Variants in SEMA4D observed in about 807,000 individuals in gnomAD.
SEMA4D encodes the protein semaphorin-4D.
In SEMA4D, 22 loss-of-function variants were observed where a neutral mutation model predicts 74.8. That is an observed-to-expected ratio of 0.29 (90% CI 0.21 to 0.42). The LOEUF (loss-of-function observed/expected upper bound fraction) is 0.42, where lower values mean the gene tolerates loss of function less well. Among genes scored for constraint, SEMA4D ranks in the 10% least tolerant of loss-of-function variants. The pLI is 1.00. For missense variants in SEMA4D, 937 were observed against 1,118.4 expected (o/e 0.84, Z 2.31); for synonymous variants, 445 against 463.7 (o/e 0.96, Z 0.52).
chr9:89,444,455 G>A (rs1016940165), intron 2 of SEMA4D, among the ~76,000 whole-genome samples: 3 of 152,200 alleles, frequency 2.0e-5, no homozygotes, highest in Non-Finnish European at 4.4e-5. Context: ...ATGTGGGCAC[G>A]TGAAGAGACA....
downstream of SEMA4D, chr9:89,376,330 C>CACT (rs1219519283): frequency 6.6e-6 from 1 of 150,862 alleles, no homozygotes; most frequent in Non-Finnish European, 1.5e-5. Context: ...TGTGTCACTG[C>CACT]ACTCCAGCCT....
chr9:89,449,096 G>A (rs940904621), intron 2 of SEMA4D, among the ~76,000 whole-genome samples: 5 of 152,194 alleles, frequency 3.3e-5, no homozygotes, highest in Non-Finnish European at 5.9e-5. Context: ...CGGATAGCAC[G>A]GGGCCTTTTG....
intron 9 of SEMA4D, 42 bp downstream of exon 9, chr9:89,391,222 C>A: frequency 6.3e-7 from 1 of 1,599,570 alleles, no homozygotes; most frequent in South Asian, 1.1e-5. Flanking sequence ...CACACTATTG[C>A]CATGGCAGGG....
intron 2 of SEMA4D, among the ~76,000 whole-genome samples, chr9:89,434,018 C>A (rs72748994): frequency 6.6e-6 from 1 of 152,184 alleles, no homozygotes; most frequent in Non-Finnish European, 1.5e-5. Context: ...TTGGCATGCA[C>A]GGACTGCCCC....
In SEMA4D at chr9:89,392,497, C is replaced by A; in HGVS notation, c.548G>T (p.Gly183Val). The A allele has an allele frequency of 6.2e-7, 1 of 1,613,874 alleles. No individual in the cohort carries two copies. Among genetic ancestry groups the A allele is most frequent in the East Asian group, 2.2e-5 (1 of 44,884 alleles). Residue 183 changes from glycine to valine, a missense_variant, in exon 8 of 16, where the codon GGA becomes GTA. By Grantham distance (109) the Gly-to-Val change is moderately radical. Transcript: ENST00000422704. ...LYSGTSYNFL[G>V]SEPIISRNSS... ...ATTTCGGGAGATGATGGGTTCACTT[C>A]CCAAAAAATTATACGACGTCCCCGA...
At chr9:89,441,722 T>C (rs776249161) in intron 2 of SEMA4D, among the ~76,000 whole-genome samples, 19 of 152,190 alleles carry the variant, frequency 1.2e-4, no homozygotes, top group African/African-American at 3.1e-4. Flanking sequence ...CTCTTTGTCA[T>C]TTCAGCCCCA....
chr9:89,375,576 G>T (rs917469290), downstream of SEMA4D, among the ~76,000 whole-genome samples: 1 of 152,206 alleles, frequency 6.6e-6, no homozygotes, highest in East Asian at 1.9e-4. Flanking sequence ...TGTTTAAAAA[G>T]AGAGCAATTG....
At chr9:89,471,590 ATGCATGCCAGCTCAGG>A (rs1860255177) in intron 1 of SEMA4D, among the ~76,000 whole-genome samples, 1 of 126,582 alleles carries the variant, frequency 7.9e-6, no homozygotes. Flanking sequence ...GCCGGCTCAG[ATGCATGCCAGCTCAGG>A]TGCACGCCAG....
chr9:89,379,515 A>T lies in SEMA4D; in HGVS notation c.1778T>A (p.Val593Glu), dbSNP rs1836520315. 1 of 1,614,200 alleles carries T rather than the reference A, an allele frequency of 6.2e-7. No homozygotes were observed. Among genetic ancestry groups the T allele is most frequent in the Non-Finnish European group, 8.5e-7 (1 of 1,180,042 alleles). ...GTACTTGGGGCTCTCGGCCTTCAACACGCCATTCTGGAACTTCCAAAAGAC... is the reference window on the plus strand; with the variant it reads ...GTACTTGGGGCTCTCGGCCTTCAACTCGCCATTCTGGAACTTCCAAAAGAC... The part of the protein sequence containing the change: ...ARVFWKFQNG[V>E]LKAESPKYGL... The change falls in exon 16 of 16, where the codon GTG (valine) becomes GAG (glutamate). Residue 593 changes from valine to glutamate, a missense_variant. Physicochemically the swap from Val to Glu is moderately radical, Grantham distance 121. Transcript: ENST00000422704.
intron 6 of SEMA4D, among the ~76,000 whole-genome samples, chr9:89,394,873 G>A (rs528519211): frequency 4.6e-5 from 7 of 152,286 alleles, no homozygotes; most frequent in South Asian, 2.1e-4. Flanking sequence ...ATGATTGAAC[G>A]TTTTCTTAGA....
chr9:89,458,480 C>CTGCCACACACA (rs538536819), intron 1 of SEMA4D, among the ~76,000 whole-genome samples: 2 of 152,080 alleles, frequency 1.3e-5, no homozygotes, highest in Admixed American at 6.5e-5. Flanking sequence ...AAAAGACTGC[C>CTGCCACACACA]TGCCACACAC....
intron 2 of SEMA4D, among the ~76,000 whole-genome samples, chr9:89,442,192 C>T (rs538720940): frequency 7.1e-5 from 10 of 140,544 alleles, no homozygotes; most frequent in South Asian, 4.7e-4. Flanking sequence ...CTGCGCCGTA[C>T]GGCCCAGGTC....
intron 1 of SEMA4D, among the ~76,000 whole-genome samples, chr9:89,462,577 A>C (rs1289689710): frequency 1.3e-5 from 2 of 152,276 alleles, no homozygotes; most frequent in East Asian, 3.9e-4. Flanking sequence ...TTCAATTTGA[A>C]GGAGTAAAAA....
intron 18 of SEMA4D, chr9:89,363,317 A>T: frequency 2.0e-6 from 3 of 1,468,430 alleles, no homozygotes; most frequent in South Asian, 2.6e-5. Flanking sequence ...CGGGGCTAAG[A>T]GGGAACAAGT....
chr9:89,450,120 C>T, intron 2 of SEMA4D: 1 of 1,247,096 alleles, frequency 8.0e-7, no homozygotes, highest in Non-Finnish European at 1.2e-6. Flanking sequence ...TATGCTGTCA[C>T]ACCAGCTGAA....
chr9:89,453,637 G>A lies in SEMA4D; in HGVS notation c.-244+2251C>T, dbSNP rs150032813. Among the ~76,000 whole-genome samples, 1,091 of 152,238 alleles carry A rather than the reference G, an allele frequency of 7.2e-3. 6 individuals carry two copies. Among genetic ancestry groups the A allele is most frequent in the Non-Finnish European group, 0.012 (845 of 68,018 alleles). The stretch of plus-strand genomic sequence containing the variant: ...ACCATCTGGTCGCGGCCCTCGCTGG[G>A]TGGACACACAGCCCTGACGGTCAGG... On this transcript the variant is annotated intron_variant, in intron 2 of 15. Transcript: ENST00000422704.
chr9:89,401,139 C>T (rs1479755295), intron 4 of SEMA4D, among the ~76,000 whole-genome samples: 3 of 152,036 alleles, frequency 2.0e-5, no homozygotes, highest in African/African-American at 4.8e-5. Flanking sequence ...ACTGCAGCCT[C>T]GACCTCCTGG....
At chr9:89,362,115 C>G (rs1287672695) in exon 19 of SEMA4D, 1 of 571,560 alleles carries the variant, frequency 1.7e-6, no homozygotes, top group Non-Finnish European at 3.1e-6. Flanking sequence ...CTATCAAAGC[C>G]TGTTAGCCAT....
intron 2 of SEMA4D, among the ~76,000 whole-genome samples, chr9:89,423,856 CCCTCAGCACCTCCCCT>C: frequency 7.0e-6 from 1 of 142,944 alleles, no homozygotes; most frequent in South Asian, 2.5e-4. Context: ...CACCTCCACT[CCCTCAGCACCTCCCCT>C]CCCTCAGCTA....
Sources: allele counts gnomAD v4.1 joint callset (sites outside exome capture counted in the v4.1 genomes callset), GRCh38; gene constraint gnomAD v4.1.1; transcripts MANE v1.5; gene names NCBI Gene and HGNC (gene_info 2026-07-23, HGNC 2026-07-21).